The following CMC1 variants were observed in gnomAD, a reference collection of about 807,000 sequenced individuals.
CMC1 encodes C-X9-C motif containing 1.
A neutral mutation model predicts 14.1 loss-of-function variants in CMC1; 14 were observed. The ratio of observed to expected loss-of-function variants is 0.99; its 90% CI spans 0.66 to 1.55. The LOEUF is 1.55. Ranked by LOEUF, CMC1 falls within the 40% of genes most tolerant of loss-of-function variation. The pLI is 0.00. For missense variants in CMC1, 127 were observed against 123.8 expected (o/e 1.03, Z -0.12); for synonymous variants, 50 against 38.4 (o/e 1.30, Z -1.12).
At chr3:28,253,978 G>A (rs1340985670) in intron 1 of CMC1, among the ~76,000 whole-genome samples, 1 of 152,142 alleles carries the variant, frequency 6.6e-6, no homozygotes, top group Non-Finnish European at 1.5e-5. Context: ...TTATAATCTA[G>A]CACTGCCATA....
intron 1 of CMC1, chr3:28,263,009 C>T (rs1699811603): frequency 3.6e-6 from 1 of 274,112 alleles, no homozygotes; most frequent in Non-Finnish European, 6.8e-6. Context: ...CCAACTTTGA[C>T]AAGATTGCAT....
chr3:28,324,227 A>G lies in CMC1; in HGVS notation c.*4598A>G, dbSNP rs1380038130. 6.2e-7 allele frequency: 1 copy of G among 1,610,510 alleles called. No individual in the cohort carries two copies. Among genetic ancestry groups the G allele is most frequent in the East Asian group, 2.2e-5 (1 of 44,800 alleles). On this transcript the variant is annotated 3_prime_UTR_variant, in exon 4 of 4. Coordinates refer to ENST00000466830, the MANE Select transcript of CMC1 (RefSeq NM_182523.2). ...CCATAAGAACTGTGTTCCTGAAAGCATGTACCATCATTAGGAATGGATCTC... is the reference window on the plus strand; with the variant it reads ...CCATAAGAACTGTGTTCCTGAAAGCGTGTACCATCATTAGGAATGGATCTC...
At chr3:28,246,211 A>G (rs1466864336) in intron 1 of CMC1, among the ~76,000 whole-genome samples, 1 of 152,086 alleles carries the variant, frequency 6.6e-6, no homozygotes, top group Non-Finnish European at 1.5e-5. Context: ...TAACATCTAC[A>G]TTTTGTATAT....
At chr3:28,285,388 T>C (rs1368317593) in intron 2 of CMC1, among the ~76,000 whole-genome samples, 4 of 152,042 alleles carry the variant, frequency 2.6e-5, no homozygotes, top group Non-Finnish European at 5.9e-5. Context: ...GAGTTGATTA[T>C]GTAAAAGTCT....
At chr3:28,264,005 T>C (rs192982170) in intron 2 of CMC1, among the ~76,000 whole-genome samples, 51 of 152,258 alleles carry the variant, frequency 3.3e-4, no homozygotes, top group Admixed American at 3.3e-3. Context: ...TAGTGAAACA[T>C]GTAAAGAAAG....
At position 28,274,212 on chromosome 3, in the gene CMC1, G is replaced by GTTTTTTTTTTTTTTTTT. The variant is rs376321066; in HGVS notation, c.109+10839_109+10840insTTTTTTTTTTTTTTTTT. On this transcript the variant is annotated intron_variant, in intron 2 of 3. Coordinates refer to ENST00000466830, the MANE Select transcript of CMC1 (RefSeq NM_182523.2). Reference sequence around the variant, plus strand: ...TTGGTCTTTGTACTAAAGTGTTTTTGTTTTTTTCTTTTTTTTTTTTTTTGC... The same window carrying GTTTTTTTTTTTTTTTTT: ...TTGGTCTTTGTACTAAAGTGTTTTTGTTTTTTTTTTTTTTTTTTTTTTTTCTTTTTTTTTTTTTTTGC... 3.9e-4 allele frequency among the ~76,000 whole-genome samples: 34 copies of GTTTTTTTTTTTTTTTTT among 88,188 alleles called. 2 individuals carry two copies. Among genetic ancestry groups the GTTTTTTTTTTTTTTTTT allele is most frequent in the East Asian group, 1.1e-3 (3 of 2,758 alleles). The allele number at this position is 88,188 out of a possible 152,430, so 57.9% of individuals were successfully genotyped here. A position where few individuals can be genotyped will look rare whatever the true frequency, so the allele number is the denominator to read the frequency against.
At chr3:28,263,760 A>G (rs771796696) in intron 2 of CMC1, among the ~76,000 whole-genome samples, 8 of 152,082 alleles carry the variant, frequency 5.3e-5, no homozygotes, top group Non-Finnish European at 2.9e-5. Flanking sequence ...GCATACATAT[A>G]TATATTCTAA....
rs1335486621 is a variant in CMC1 at position 28,285,806 on chromosome 3, G to A, written c.109+22426G>A. 3.4e-5 allele frequency among the ~76,000 whole-genome samples: 5 copies of A among 146,176 alleles called. No homozygotes were observed. The East Asian group carries it at 1.0e-3, about 29-fold the overall frequency. ...TTTTGAGACAGAGTCTTGCTCTGTC[G>A]CCCAGGCTGGAGTGCAGTGGCGCGA... On this transcript the variant is annotated intron_variant, in intron 2 of 3. Transcript: ENST00000466830.
chr3:28,246,170 G>A lies in CMC1; in HGVS notation c.19+4358G>A, dbSNP rs187055288. 4.0e-4 allele frequency among the ~76,000 whole-genome samples: 60 copies of A among 150,520 alleles called. No individual in the cohort carries two copies. In the East Asian group the frequency reaches 6.1e-3, roughly 15 times the overall value. ...GAGTATCTTCTTAGACATAAATTACGTTGGTGGCTCAGAACAAAAAAAAAA... is the reference window on the plus strand; with the variant it reads ...GAGTATCTTCTTAGACATAAATTACATTGGTGGCTCAGAACAAAAAAAAAA... On this transcript the variant is annotated intron_variant, in intron 1 of 3. Transcript: ENST00000466830.
At chr3:28,284,623 A>G (rs186702448) in intron 2 of CMC1, among the ~76,000 whole-genome samples, 77 of 152,282 alleles carry the variant, frequency 5.1e-4, no homozygotes, top group African/African-American at 1.8e-3. Flanking sequence ...ATAGCAACAA[A>G]CCATATAGAT....
At chr3:28,255,315 A>G (rs1235012640) in intron 1 of CMC1, among the ~76,000 whole-genome samples, 1 of 145,080 alleles carries the variant, frequency 6.9e-6, no homozygotes, top group Non-Finnish European at 1.5e-5. Context: ...ATCTCGGCTC[A>G]CTGCAACCTC....
At chr3:28,272,542 A>G (rs1339705578) in intron 2 of CMC1, among the ~76,000 whole-genome samples, 1 of 152,164 alleles carries the variant, frequency 6.6e-6, no homozygotes, top group East Asian at 1.9e-4. Flanking sequence ...GCATGTGTTG[A>G]ACCAGCCTTG....
intron 1 of CMC1, among the ~76,000 whole-genome samples, chr3:28,243,125 G>C (rs1255848906): frequency 6.6e-6 from 1 of 152,008 alleles, no homozygotes; most frequent in Non-Finnish European, 1.5e-5. Flanking sequence ...GCGCTATCTC[G>C]GCTCACTGTA....
chr3:28,303,708 T>C (rs996564662), intron 2 of CMC1, among the ~76,000 whole-genome samples: 1 of 152,142 alleles, frequency 6.6e-6, no homozygotes, highest in African/African-American at 2.4e-5. Context: ...TGAGAATTAT[T>C]AACACTCCTT....
In CMC1 at chr3:28,252,034, C is replaced by T. The variant is rs997360597; in HGVS notation, c.19+10222C>T. On this transcript the variant is annotated intron_variant, in intron 1 of 3. Transcript: ENST00000466830. ...ACTTGTTCATTTAAGAAATTATGGC[C>T]ACAATGGCGGTTGTAACACAGTTCT... Among the ~76,000 whole-genome samples, 6 of 152,142 alleles carry T rather than the reference C, an allele frequency of 3.9e-5. No individual in the cohort carries two copies. The South Asian group carries it at 6.2e-4, about 16-fold the overall frequency.
intron 2 of CMC1, among the ~76,000 whole-genome samples, chr3:28,285,247 A>G (rs1701110519): frequency 6.6e-6 from 1 of 152,198 alleles, no homozygotes; most frequent in African/African-American, 2.4e-5. Context: ...CTAAGGAGGT[A>G]CTGGTGACCT....
chr3:28,308,207 G>A lies in CMC1; in HGVS notation c.110-8126G>A, dbSNP rs962787817. ...CTGGGACATCTTTGGGGACTATTAT[G>A]CTACCTAACATAGGCAGAAAATGAA... On this transcript the variant is annotated intron_variant, in intron 2 of 3. Coordinates refer to ENST00000466830, the MANE Select transcript of CMC1 (RefSeq NM_182523.2). Among the ~76,000 whole-genome samples, 4 of 151,914 alleles carry A rather than the reference G, an allele frequency of 2.6e-5. No individual in the cohort carries two copies. The South Asian group carries it at 8.3e-4, about 31-fold the overall frequency.
intron 1 of CMC1, among the ~76,000 whole-genome samples, chr3:28,243,698 T>C: frequency 6.6e-6 from 1 of 152,180 alleles, no homozygotes; most frequent in East Asian, 1.9e-4. Flanking sequence ...CTGGTATATG[T>C]CCCATATTGT....
intron 2 of CMC1, among the ~76,000 whole-genome samples, chr3:28,266,984 C>T (rs975425625): frequency 6.6e-6 from 1 of 152,146 alleles, no homozygotes; most frequent in African/African-American, 2.4e-5. Context: ...CCACTTTCCT[C>T]ACCTTCCAAA....
Sources: allele counts gnomAD v4.1 joint callset (sites outside exome capture counted in the v4.1 genomes callset), GRCh38; gene constraint gnomAD v4.1.1; transcripts MANE v1.5; gene names NCBI Gene and HGNC (gene_info 2026-07-23, HGNC 2026-07-21).